ISY1: variants seen among roughly 807,000 people sequenced by gnomAD.
ISY1 encodes pre-mRNA-splicing factor ISY1 homolog.
In ISY1, 12 loss-of-function variants were observed where a neutral mutation model predicts 54.4. The observed-to-expected ratio is 0.22, with a 90% CI of 0.14 to 0.36. ISY1 has a LOEUF of 0.36. Among genes scored for constraint, ISY1 ranks in the 10% least tolerant of loss-of-function variants. The pLI is 1.00. For missense variants in ISY1, 282 were observed against 342.2 expected, an observed-to-expected ratio of 0.82 and a Z score of 1.39; for synonymous variants, 96 against 117.9, an observed-to-expected ratio of 0.81 and a Z score of 1.20.
intron 5 of ISY1, among the ~76,000 whole-genome samples, chr3:129,148,245 T>C (rs1188364442): frequency 6.6e-6 from 1 of 152,214 alleles, no homozygotes; most frequent in Admixed American, 6.5e-5. Context: ...ACTATAAACA[T>C]TATGTATGAG....
In ISY1 at chr3:129,160,989, G is replaced by A. The variant is rs960419782; in HGVS notation, c.-14C>T. 6 of 1,430,302 alleles carry A rather than the reference G, an allele frequency of 4.2e-6. No homozygotes were observed. 88.6% of individuals were successfully genotyped at this position (1,430,302 alleles called of 1,614,324 possible). A position where few individuals can be genotyped will look rare whatever the true frequency, so the allele number is the denominator to read the frequency against. ...CCTACTCACCATGGTGTCGCTAAGG[G>A]CGCCGTCCTGGAGCCCCGCGGCCCC... On this transcript the variant is annotated 5_prime_UTR_variant, in exon 1 of 11. Coordinates refer to ENST00000393295, the MANE Select transcript of ISY1 (RefSeq NM_020701.4).
intron 5 of ISY1, among the ~76,000 whole-genome samples, chr3:129,155,724 A>ATT (rs201023627): frequency 2.8e-5 from 4 of 145,432 alleles, no homozygotes; most frequent in African/African-American, 5.0e-5. Flanking sequence ...TGTAATTTCA[A>ATT]TTTTTTTTTT....
chr3:129,160,918 G>GGCCCGGGGGGGGGGGGGGGCCCC lies in ISY1; in HGVS notation c.3+54_3+55insGGGGCCCCCCCCCCCCCCCGGGC. The GGCCCGGGGGGGGGGGGGGGCCCC allele has an allele frequency of 3.0e-6, 2 of 666,126 alleles. 1 individual carries two copies. Among genetic ancestry groups the GGCCCGGGGGGGGGGGGGGGCCCC allele is most frequent in the Non-Finnish European group, 5.5e-6 (2 of 364,542 alleles). 41.3% of individuals were successfully genotyped at this position (666,126 alleles called of 1,614,324 possible). A position where few individuals can be genotyped will look rare whatever the true frequency, so the allele number is the denominator to read the frequency against. On this transcript the variant is annotated intron_variant, in intron 1 of 10. Coordinates refer to ENST00000393295, the MANE Select transcript of ISY1 (RefSeq NM_020701.4). ...AATGAGCGCCCCAGGTGGACTGGGC[G>GGCCCGGGGGGGGGGGGGGGCCCC]CCCCCCCGCCCGCCCGCCCATCCAC... is the stretch of plus-strand genomic sequence containing the variant.
At position 129,129,804 on chromosome 3, in the gene ISY1, T is replaced by G. The variant is rs1936187982; in HGVS notation, c.*277A>C. On this transcript the variant is annotated 3_prime_UTR_variant, in exon 11 of 11. Coordinates refer to ENST00000393295, the MANE Select transcript of ISY1 (RefSeq NM_020701.4). ...GATTCTTCTCCCCTCAAAATGGCAG[T>G]GCAAGTCAAAATAAGACACAGGCAG... 3.1e-6 allele frequency: 1 copy of G among 323,132 alleles called. No individual in the cohort carries two copies. The highest frequency in any genetic ancestry group is 2.1e-5 in the African/African-American group (1 of 47,056). 20.0% of individuals were successfully genotyped at this position (323,132 alleles called of 1,614,324 possible).
chr3:129,152,818 G>A (rs905690859), intron 5 of ISY1, among the ~76,000 whole-genome samples: 1 of 152,094 alleles, frequency 6.6e-6, no homozygotes, highest in Admixed American at 6.6e-5. Flanking sequence ...TTTAGCATCA[G>A]GGTAATGCTG....
intron 10 of ISY1, 39 bp from the exon 11 acceptor site, chr3:129,130,227 A>G (rs1288266398): frequency 6.4e-7 from 1 of 1,560,814 alleles, no homozygotes; most frequent in South Asian, 1.2e-5. Context: ...TCCTCAGCAA[A>G]GCCCCTCAAC....
chr3:129,137,940 G>A (rs1936472994), intron 7 of ISY1, among the ~76,000 whole-genome samples: 4 of 131,998 alleles, frequency 3.0e-5, no homozygotes, highest in Admixed American at 2.4e-4. Flanking sequence ...AAAAAAACTC[G>A]AGACCACCCT....
intron 6 of ISY1, among the ~76,000 whole-genome samples, chr3:129,144,364 G>C (rs1446633513): frequency 6.6e-6 from 1 of 152,180 alleles, no homozygotes; most frequent in African/African-American, 2.4e-5. Context: ...TTCTGCAGTG[G>C]GAAGGCTGAA....
intron 7 of ISY1, among the ~76,000 whole-genome samples, chr3:129,138,618 T>C (rs529509779): frequency 8.6e-5 from 13 of 151,184 alleles, no homozygotes; most frequent in Admixed American, 7.3e-4. Flanking sequence ...TACTCCAGCC[T>C]TGGTGACAGA....
At chr3:129,130,277 A>C in intron 10 of ISY1, 89 bp from the exon 11 acceptor site, 1 of 1,480,170 alleles carries the variant, frequency 6.8e-7, no homozygotes, top group Non-Finnish European at 9.0e-7. Flanking sequence ...CCGTGGGAGA[A>C]GTCCATCAAG....
chr3:129,134,958 T>G lies in ISY1; in HGVS notation c.419-4A>C. On this transcript the variant is annotated splice_polypyrimidine_tract_variant and splice_region_variant and intron_variant, in intron 7 of 10. Transcript: ENST00000393295. ...GTCTTTCTGGGAGGAGGAAGAGCTA[T>G]AAGAAACAGAAATGGAGCTGAGTTT... The G allele has an allele frequency of 6.3e-7, 1 of 1,599,908 alleles. No homozygotes were observed. Among genetic ancestry groups the G allele is most frequent in the Non-Finnish European group, 8.5e-7 (1 of 1,173,046 alleles).
intron 5 of ISY1, among the ~76,000 whole-genome samples, chr3:129,156,003 G>A (rs2107619807): frequency 6.6e-6 from 1 of 152,258 alleles, no homozygotes; most frequent in South Asian, 2.1e-4. Context: ...TTACAGGCGT[G>A]AGCTACTGCG....
chr3:129,132,853 T>C (rs1936275072), intron 9 of ISY1, among the ~76,000 whole-genome samples: 1 of 152,254 alleles, frequency 6.6e-6, no homozygotes, highest in African/African-American at 2.4e-5. Context: ...TGAACCCCAG[T>C]GCTGGCCCAG....
chr3:129,148,585 G>A (rs902741989), intron 5 of ISY1, among the ~76,000 whole-genome samples: 1 of 152,118 alleles, frequency 6.6e-6, no homozygotes, highest in African/African-American at 2.4e-5. Flanking sequence ...TTTATGTTTT[G>A]AGACAGTCTC....
At chr3:129,139,140 T>A (rs916930208) in intron 7 of ISY1, among the ~76,000 whole-genome samples, 2 of 151,982 alleles carry the variant, frequency 1.3e-5, no homozygotes, top group African/African-American at 4.8e-5. Flanking sequence ...TTTCACCATG[T>A]TGGCCAGGCT....
intron 7 of ISY1, among the ~76,000 whole-genome samples, 179 bp downstream of exon 7, chr3:129,140,189 T>G (rs1020452477): frequency 6.6e-6 from 1 of 152,226 alleles, no homozygotes; most frequent in Admixed American, 6.5e-5. Flanking sequence ...TTGTATGGCA[T>G]GGGCCTATGA....
chr3:129,129,965 G>T lies in ISY1; in HGVS notation c.*116C>A. ...CCGGTCAACATGAGACAAGGAGAGG[G>T]AAGGAAGGCTGAGAATGGGGCAGGA... On this transcript the variant is annotated 3_prime_UTR_variant, in exon 11 of 11. Transcript: ENST00000393295. 1.3e-6 allele frequency: 1 copy of T among 746,994 alleles called. No homozygotes were observed. The highest frequency in any genetic ancestry group is 2.1e-6 in the Non-Finnish European group (1 of 467,364). 46.3% of individuals were successfully genotyped at this position (746,994 alleles called of 1,614,324 possible).
intron 5 of ISY1, among the ~76,000 whole-genome samples, chr3:129,155,044 T>C (rs1003869024): frequency 1.1e-4 from 17 of 151,922 alleles, no homozygotes; most frequent in African/African-American, 2.4e-5. Flanking sequence ...ATTCATCTTG[T>C]TTTCAATGCT....
chr3:129,152,155 G>A (rs898888461), intron 5 of ISY1, among the ~76,000 whole-genome samples: 7 of 151,228 alleles, frequency 4.6e-5, no homozygotes, highest in East Asian at 1.9e-4. Context: ...GCAAAACTCC[G>A]TCTCAGAAAA....
Sources: gnomAD v4.1 joint callset for allele counts (sites outside exome capture counted in the v4.1 genomes callset) on GRCh38, gnomAD v4.1.1 for gene constraint, MANE v1.5 for transcripts, NCBI Gene and HGNC (gene_info 2026-07-23, HGNC 2026-07-21) for gene names.